Variants in PTPN23 observed in about 807,000 individuals in gnomAD.
PTPN23 encodes protein tyrosine phosphatase non-receptor type 23.
PTPN23 carries 72 observed loss-of-function variants against 156.3 expected under a neutral mutation model. The observed-to-expected ratio is 0.46, with a 90% CI of 0.38 to 0.56. The LOEUF is 0.56. Among genes scored for constraint, PTPN23 ranks in the 20% least tolerant of loss-of-function variants. The pLI is 0.00. For synonymous variants in PTPN23, 957 were observed against 899.6 expected, an observed-to-expected ratio of 1.06 and a Z score of -1.14; for missense variants, 1,974 against 2,171.5, an observed-to-expected ratio of 0.91 and a Z score of 1.81.
intron 2 of PTPN23, among the ~76,000 whole-genome samples, chr3:47,402,272 T>C (rs1417599772): frequency 6.6e-6 from 1 of 152,056 alleles, no homozygotes; most frequent in African/African-American, 2.4e-5. Flanking sequence ...TATTTATCTA[T>C]TTATTTATTA....
intron 2 of PTPN23, among the ~76,000 whole-genome samples, chr3:47,402,372 C>T (rs867840550): frequency 2.6e-5 from 4 of 152,194 alleles, no homozygotes; most frequent in Middle Eastern, 3.4e-3. Flanking sequence ...TTCTGCTCCC[C>T]GGATTCAAGT....
intron 2 of PTPN23, among the ~76,000 whole-genome samples, chr3:47,403,935 A>G (rs968712418): frequency 2.6e-5 from 4 of 152,210 alleles, no homozygotes; most frequent in Non-Finnish European, 5.9e-5. Context: ...TTTTAGATAC[A>G]GAACTGTAGG....
rs142269660 is a variant in PTPN23 at position 47,413,184 on chromosome 3, G to A, written c.4910G>A (p.Ter1637=). ...LDPLWTLNKT[*] ...CCACTCTGGACACTCAACAAGACCT[G>A]AACAGGTTTTGCCTACCTGGTCCTT... The change falls in exon 25 of 25, where the codon TGA becomes TAA. Residue 1637 remains the stop codon, a stop_retained_variant. Coordinates refer to ENST00000265562, the MANE Select transcript of PTPN23 (RefSeq NM_015466.4). The A allele has an allele frequency of 3.6e-4, 577 of 1,607,698 alleles. 3 individuals are homozygous for A. In the African/African-American group the frequency reaches 6.6e-3, roughly 19 times the overall value.
At chr3:47,381,854 G>C (rs1369426231) in intron 1 of PTPN23, among the ~76,000 whole-genome samples, 1 of 152,214 alleles carries the variant, frequency 6.6e-6, no homozygotes, top group Non-Finnish European at 1.5e-5. Flanking sequence ...ATCTTACTGT[G>C]TTGGAAGAAC....
rs3736177 is a variant in PTPN23 at position 47,409,921 on chromosome 3, C to T, written c.2130-7C>T. On this transcript the variant is annotated splice_region_variant and splice_polypyrimidine_tract_variant and intron_variant, in intron 19 of 24. Coordinates refer to ENST00000265562, the MANE Select transcript of PTPN23 (RefSeq NM_015466.4). Reference sequence around the variant, plus strand: ...CTGGCCCCACTTTTTCCTTGCCTGTCGCACAGGGAGCTGAAGAAGAAGCCG... The same window carrying T: ...CTGGCCCCACTTTTTCCTTGCCTGTTGCACAGGGAGCTGAAGAAGAAGCCG... 0.4 allele frequency: 628,123 copies of T among 1,566,480 alleles called. 127,720 individuals are homozygous for T. Among genetic ancestry groups the T allele is most frequent in the East Asian group, 0.5 (22,137 of 44,236 alleles).
In PTPN23 at chr3:47,413,300, T is replaced by A. The variant is rs1388648720; in HGVS notation, c.*115T>A. The A allele has an allele frequency of 7.0e-7, 1 of 1,436,078 alleles. No individual in the cohort carries two copies. The highest frequency in any genetic ancestry group is 9.4e-7 in the Non-Finnish European group (1 of 1,059,052). The allele number at this position is 1,436,078 out of a possible 1,614,324, so 89.0% of individuals were successfully genotyped here. ...TCTCTTACTCCCATTTCTGCTGCCT[T>A]TGGCCCTGCCTGGCCCAGCCTGCAC... On this transcript the variant is annotated 3_prime_UTR_variant, in exon 25 of 25. Coordinates refer to ENST00000265562, the MANE Select transcript of PTPN23 (RefSeq NM_015466.4).
chr3:47,382,350 T>C (rs1704561653), intron 1 of PTPN23, among the ~76,000 whole-genome samples: 1 of 151,696 alleles, frequency 6.6e-6, no homozygotes, highest in Non-Finnish European at 1.5e-5. Context: ...AGACGGAGTT[T>C]CGCTCTTGTT....
At position 47,406,090 on chromosome 3, in the gene PTPN23, G is replaced by C; in HGVS notation, c.546+44G>C. On this transcript the variant is annotated intron_variant, in intron 6 of 24. Transcript: ENST00000265562. The surrounding 1 kb of genome is among the most constrained non-coding windows in gnomAD (Gnocchi z 5.8). ...TGGAGTGGAGTTGAATCCAGGGAAG[G>C]GGATGGCCAGGGAGGGGGCAGTTGG... The C allele has an allele frequency of 6.3e-7, 1 of 1,598,764 alleles. No homozygotes were observed. Among genetic ancestry groups the C allele is most frequent in the Non-Finnish European group, 8.5e-7 (1 of 1,173,310 alleles).
chr3:47,397,611 A>G (rs1287949793), intron 2 of PTPN23, among the ~76,000 whole-genome samples: 2 of 152,208 alleles, frequency 1.3e-5, no homozygotes, highest in Non-Finnish European at 2.9e-5. Flanking sequence ...TATTGCCAGT[A>G]TACTACCCAT....
intron 2 of PTPN23, among the ~76,000 whole-genome samples, chr3:47,400,256 C>T (rs1696544318): frequency 6.6e-6 from 1 of 152,230 alleles, no homozygotes; most frequent in African/African-American, 2.4e-5. Flanking sequence ...ATCTGTAAAA[C>T]CAGGGTTTGA....
chr3:47,410,295 C>G lies in PTPN23; in HGVS notation c.2497C>G (p.Leu833Val), dbSNP rs1172335806. The part of the protein sequence containing the change: ...PAPAYTPELG[L>V]VPRSSPQHGV... ...CCCTGCCTACACACCGGAGCTGGGC[C>G]TTGTGCCCCGATCCTCCCCACAGCA... The change falls in exon 20 of 25, where the codon CTT (leucine) becomes GTT (valine). Residue 833 changes from leucine to valine, a missense_variant. Transcript: ENST00000265562. The G allele has an allele frequency of 1.9e-6, 3 of 1,605,746 alleles. No homozygotes were observed. The highest frequency in any genetic ancestry group is 2.6e-6 in the Non-Finnish European group (3 of 1,175,940).
chr3:47,383,532 A>G (rs1454671348), intron 1 of PTPN23, among the ~76,000 whole-genome samples: 2 of 152,204 alleles, frequency 1.3e-5, no homozygotes, highest in African/African-American at 4.8e-5. Flanking sequence ...CCAGAGCCTA[A>G]CAGTGTACCC....
At chr3:47,412,448 G>T in intron 23 of PTPN23, 27 bp downstream of exon 23, 2 of 1,611,976 alleles carry the variant, frequency 1.2e-6, no homozygotes, top group Non-Finnish European at 1.7e-6. Context: ...ATGGGGCTGG[G>T]ATGGGCCTTC....
chr3:47,399,718 GA>G (rs1004126938), intron 2 of PTPN23, among the ~76,000 whole-genome samples: 1 of 152,168 alleles, frequency 6.6e-6, no homozygotes, highest in Non-Finnish European at 1.5e-5. Flanking sequence ...TTTCCAGTGC[GA>G]AAAAAGCTCA....
Position 47,407,328 on chromosome 3 carries a change from A to C in PTPN23, c.884A>C (p.Gln295Pro). 1 of 1,613,966 alleles carries C rather than the reference A, an allele frequency of 6.2e-7. No homozygotes were observed. The highest frequency in any genetic ancestry group is 8.5e-7 in the Non-Finnish European group (1 of 1,179,932). ...CCACAGGGCCAGCCTGACACTGTGC[A>C]AGACGCGCTTCGCTTCACTATGGAT... ...KLAKGQPDTV[Q>P]DALRFTMDVI... Residue 295 changes from glutamine to proline, a missense_variant, in exon 11 of 25, where the codon CAA becomes CCA. By Grantham distance (76) the Gln-to-Pro change is moderately conservative. Transcript: ENST00000265562. The surrounding 1 kb of genome is among the most constrained non-coding windows in gnomAD (Gnocchi z 4.0).
At position 47,407,601 on chromosome 3, in the gene PTPN23, G is replaced by T. The variant is rs1201694812; in HGVS notation, c.1003+17G>T. On this transcript the variant is annotated intron_variant, in intron 12 of 24. Coordinates refer to ENST00000265562, the MANE Select transcript of PTPN23 (RefSeq NM_015466.4). This position sits in a 1 kb window ranked among gnomAD's most constrained non-coding sequence, Gnocchi z 4.0. ...CTGTAAAAGGTCGGGGAGCTGAGAGGTGGGGGCAGAGGTGACGGTGGGGTG... is the reference window on the plus strand; with the variant it reads ...CTGTAAAAGGTCGGGGAGCTGAGAGTTGGGGGCAGAGGTGACGGTGGGGTG... The T allele has an allele frequency of 6.2e-7, 1 of 1,610,952 alleles. No homozygotes were observed. The highest frequency in any genetic ancestry group is 8.5e-7 in the Non-Finnish European group (1 of 1,177,160).
intron 2 of PTPN23, 127 bp downstream of exon 2, chr3:47,396,344 G>T (rs1244762650): frequency 1.6e-6 from 1 of 622,898 alleles, no homozygotes; most frequent in East Asian, 3.6e-5. Flanking sequence ...GGAGGCCGAG[G>T]TGGGCAGATC....
At chr3:47,400,988 C>T (rs566162648) in intron 2 of PTPN23, among the ~76,000 whole-genome samples, 108 of 150,768 alleles carry the variant, frequency 7.2e-4, no homozygotes, top group Middle Eastern at 3.4e-3. Context: ...CTGCAAGCTC[C>T]GCCTCCCGGG....
rs1281728332 is a variant in PTPN23 at position 47,407,171 on chromosome 3, C to T, written c.849C>T (p.Ala283=). 6.2e-7 allele frequency: 1 copy of T among 1,614,050 alleles called. No homozygotes were observed. Among genetic ancestry groups the T allele is most frequent in the Non-Finnish European group, 8.5e-7 (1 of 1,179,984 alleles). The change falls in exon 10 of 25, where the codon GCC becomes GCT. Residue 283 remains alanine (A), a synonymous_variant. Transcript: ENST00000265562. The surrounding 1 kb of genome is among the most constrained non-coding windows in gnomAD (Gnocchi z 4.0). ...FQSALDKLNE[A]IKLAKGQPDT... is the part of the protein sequence containing the mutation. ...GCGCCCTGGACAAGCTCAATGAAGC[C>T]ATCAAGTTGGCCAAGGTAAAGCTGA...
Sources: allele counts gnomAD v4.1 joint callset (sites outside exome capture counted in the v4.1 genomes callset), GRCh38; gene constraint gnomAD v4.1.1; non-coding constraint Gnocchi (gnomAD v3.1); transcripts MANE v1.5; gene names NCBI Gene and HGNC (gene_info 2026-07-23, HGNC 2026-07-21).